Variants in MYO10 observed in about 807,000 individuals in gnomAD.
MYO10 encodes unconventional myosin-X.
In MYO10, 133 loss-of-function variants were observed where a neutral mutation model predicts 257.3. That is an observed-to-expected ratio of 0.52 (90% CI 0.45 to 0.60). The LOEUF (loss-of-function observed/expected upper bound fraction) is 0.60. Among genes scored for constraint, MYO10 ranks in the 20% least tolerant of loss-of-function variants. The probability of loss-of-function intolerance (pLI) is 0.00; values close to 1 mark genes in which losing one functional copy is unlikely to be tolerated. For synonymous variants in MYO10, 1,104 were observed against 1,028.6 expected (o/e 1.07, Z -1.40); for missense variants, 2,399 against 2,635.7 (o/e 0.91, Z 1.97).
intron 1 of MYO10, among the ~76,000 whole-genome samples, chr5:16,893,658 T>G (rs992857198): frequency 1.5e-5 from 2 of 133,456 alleles, no homozygotes; most frequent in Admixed American, 7.3e-5. Flanking sequence ...AAAAAGAAAA[T>G]TATTTCCCTC....
intron 2 of MYO10, among the ~76,000 whole-genome samples, chr5:16,859,293 C>A (rs80030024): frequency 2.6e-5 from 4 of 152,142 alleles, no homozygotes; most frequent in Admixed American, 1.3e-4. Flanking sequence ...ATAGATGGGA[C>A]CTTGTAGCTG....
intron 2 of MYO10, among the ~76,000 whole-genome samples, chr5:16,851,860 G>A (rs1319449795): frequency 1.3e-5 from 2 of 151,932 alleles, no homozygotes; most frequent in Non-Finnish European, 2.9e-5. Flanking sequence ...AGACCAGCCT[G>A]GCCAACATGA....
chr5:16,735,866 C>T (rs1739776101), intron 19 of MYO10, among the ~76,000 whole-genome samples: 2 of 152,088 alleles, frequency 1.3e-5, no homozygotes, highest in South Asian at 2.1e-4. Context: ...AAAACTCAGA[C>T]ATGAGCTGCT....
In MYO10 at chr5:16,662,316, A is replaced by ATTTTTTTTTTTTGTTTTTTTT. The variant is rs1736013200; in HGVS notation, c.*4375_*4376insAAAAAAAACAAAAAAAAAAAA. 1.3e-5 allele frequency: 1 copy of ATTTTTTTTTTTTGTTTTTTTT among 75,816 alleles called. No individual in the cohort carries two copies. The highest frequency in any genetic ancestry group is 2.4e-5 in the Non-Finnish European group (1 of 42,540). 4.7% of individuals were successfully genotyped at this position (75,816 alleles called of 1,614,324 possible). On this transcript the variant is annotated 3_prime_UTR_variant, in exon 41 of 41. Transcript: ENST00000513610. Reference sequence around the variant, plus strand: ...AAGTGCTGTCTTAGATTTCTGAACTATTTTTTTTTTTTTTTTTTTTTTTTG... The same window carrying ATTTTTTTTTTTTGTTTTTTTT: ...AAGTGCTGTCTTAGATTTCTGAACTATTTTTTTTTTTTGTTTTTTTTTTTTTTTTTTTTTTTTTTTTTTTTG...
intron 2 of MYO10, among the ~76,000 whole-genome samples, chr5:16,830,751 A>C (rs1443319463): frequency 1.3e-5 from 2 of 152,112 alleles, no homozygotes; most frequent in Non-Finnish European, 2.9e-5. Flanking sequence ...ATTTGCAAAA[A>C]AACTTGCACA....
At chr5:16,837,187 G>C (rs568538529) in intron 2 of MYO10, among the ~76,000 whole-genome samples, 1 of 152,218 alleles carries the variant, frequency 6.6e-6, no homozygotes, top group Non-Finnish European at 1.5e-5. Context: ...GCAGAGGCCT[G>C]TAATCCCAGC....
chr5:16,737,856 G>A (rs1359205371), intron 19 of MYO10, among the ~76,000 whole-genome samples: 1 of 152,182 alleles, frequency 6.6e-6, no homozygotes, highest in Non-Finnish European at 1.5e-5. Flanking sequence ...CAAAATGCCA[G>A]TACTGCCGAG....
intron 6 of MYO10, among the ~76,000 whole-genome samples, chr5:16,781,263 A>T (rs1488360846): frequency 6.6e-6 from 1 of 151,846 alleles, no homozygotes; most frequent in Non-Finnish European, 1.5e-5. Flanking sequence ...TATTTTTAGT[A>T]TCGGTGGGGT....
Position 16,670,568 on chromosome 5 carries a change from G to C in MYO10, c.5841C>G (p.Ile1947Met). 1 of 1,613,770 alleles carries C rather than the reference G, an allele frequency of 6.2e-7. No homozygotes were observed. Residue 1947 changes from isoleucine (I) to methionine (M), a missense_variant, in exon 39 of 41, where the codon ATC becomes ATG. By Grantham distance (10) the Ile-to-Met change is conservative. Coordinates refer to ENST00000513610, the MANE Select transcript of MYO10 (RefSeq NM_012334.3). ...EQAMAKYMAL[I>M]KEWPGYGSTL... The stretch of plus-strand genomic sequence containing the variant: ...TCGAGCCATAGCCAGGCCACTCCTT[G>C]ATCAAGGCCATGTACTTGGCCATGG...
chr5:16,855,998 T>G (rs1200116350), intron 2 of MYO10, among the ~76,000 whole-genome samples: 2 of 152,226 alleles, frequency 1.3e-5, no homozygotes, highest in African/African-American at 4.8e-5. Flanking sequence ...AACGACGGAC[T>G]TTAACGTCTG....
At position 16,711,179 on chromosome 5, in the gene MYO10, C is replaced by G; in HGVS notation, c.1996G>C (p.Val666Leu). 1 of 1,613,640 alleles carries G rather than the reference C, an allele frequency of 6.2e-7. No homozygotes were observed. Among genetic ancestry groups the G allele is most frequent in the South Asian group, 1.1e-5 (1 of 90,958 alleles). The change falls in exon 20 of 41, where the codon GTG becomes CTG. Residue 666 changes from valine (V) to leucine (L), a missense_variant. Physicochemically the swap from Val to Leu is conservative, Grantham distance 32. Around this residue, in one of 3 missense-constraint regions of MYO10, gnomAD observed 1,820 missense variants for 1,939.4 expected, o/e 0.94. Coordinates refer to ENST00000513610, the MANE Select transcript of MYO10 (RefSeq NM_012334.3). ...QLRYSGMLET[V>L]RIRKAGYAVR... ...GCATACCCAGCTTTGCGGATTCTCA[C>G]AGTCTCCAGCATCCCTGAGTACCGC...
At chr5:16,840,579 A>C (rs962901280) in intron 2 of MYO10, among the ~76,000 whole-genome samples, 2 of 152,096 alleles carry the variant, frequency 1.3e-5, no homozygotes, top group African/African-American at 4.8e-5. Flanking sequence ...TATGACTCTT[A>C]TGACTACCAG....
intron 1 of MYO10, among the ~76,000 whole-genome samples, chr5:16,905,270 C>T (rs764470414): frequency 1.2e-4 from 19 of 152,134 alleles, no homozygotes; most frequent in Non-Finnish European, 2.1e-4. Context: ...ACTCAACCTC[C>T]CATCCTTGTC....
chr5:16,794,518 C>T lies in MYO10; in HGVS notation c.467+128G>A, dbSNP rs1423244410. ...TTACCATGCCATTCAAAACAGAAAA[C>T]TCTGTCGGAGAAACTCAGGCGGTTG... On this transcript the variant is annotated intron_variant, in intron 4 of 40. Coordinates refer to ENST00000513610, the MANE Select transcript of MYO10 (RefSeq NM_012334.3). 3.7e-5 allele frequency: 32 copies of T among 873,200 alleles called. No homozygotes were observed. The African/African-American group carries it at 5.4e-4, about 15-fold the overall frequency. 54.1% of individuals were successfully genotyped at this position (873,200 alleles called of 1,614,324 possible). A position where few individuals can be genotyped will look rare whatever the true frequency, so the allele number is the denominator to read the frequency against.
At chr5:16,812,466 T>G (rs1742470852) in intron 3 of MYO10, among the ~76,000 whole-genome samples, 4 of 151,990 alleles carry the variant, frequency 2.6e-5, no homozygotes, top group African/African-American at 4.8e-5. Context: ...AGCGGTAAGG[T>G]TCAGGGGCTT....
intron 18 of MYO10, among the ~76,000 whole-genome samples, chr5:16,757,346 A>G (rs987274651): frequency 7.0e-6 from 1 of 143,120 alleles, no homozygotes; most frequent in Non-Finnish European, 1.5e-5. Flanking sequence ...ACACACACGG[A>G]AAAAAAAAAA....
rs779582531 is a variant in MYO10, at chr5:16,681,346, A to G, written c.4347T>C (p.Ser1449=). 6 of 1,613,462 alleles carry G rather than the reference A, an allele frequency of 3.7e-6. No homozygotes were observed. In the Admixed American group the frequency reaches 5.0e-5, roughly 13 times the overall value. ...ATATCTTCTCATCTGGGGGGACGAC[A>G]GAGCAGAGGCTGTTGAGGACCAGGG... ...LGTLVLNSLC[S]VVPPDEKIFK... Residue 1449 remains serine, a synonymous_variant, in exon 32 of 41, where the codon TCT becomes TCC. Coordinates refer to ENST00000513610, the MANE Select transcript of MYO10 (RefSeq NM_012334.3).
Position 16,783,429 on chromosome 5 carries a change from T to C in MYO10, c.508A>G (p.Ile170Val), listed in dbSNP as rs755128762. The change falls in exon 5 of 41, where the codon ATC becomes GTC. Residue 170 changes from isoleucine (I) to valine (V), a missense_variant. This residue lies in a region of MYO10 where 242 missense variants were observed against 249.5 expected (regional missense o/e 0.97). Transcript: ENST00000513610. The part of the protein sequence containing the change: ...GAGKTESTKL[I>V]LKFLSVISQQ... The stretch of plus-strand genomic sequence containing the variant: ...CTGATGACTGACAGAAACTTGAGGA[T>C]CAATTTAGTGCTTTCGGTTTTACCT... The C allele has an allele frequency of 1.6e-5, 25 of 1,611,090 alleles. No individual in the cohort carries two copies. The Middle Eastern group carries it at 4.9e-4, about 32-fold the overall frequency.
At chr5:16,707,519 G>A (rs1738401157) in intron 21 of MYO10, among the ~76,000 whole-genome samples, 1 of 152,206 alleles carries the variant, frequency 6.6e-6, no homozygotes, top group African/African-American at 2.4e-5. Context: ...TTAAGATCCT[G>A]TGGGTTATTC....
Sources: gnomAD v4.1 joint callset for allele counts (sites outside exome capture counted in the v4.1 genomes callset) on GRCh38, gnomAD v4.1.1 for gene constraint, gnomAD v4.1.1 regional missense constraint, MANE v1.5 for transcripts, NCBI Gene and HGNC (gene_info 2026-07-23, HGNC 2026-07-21) for gene names.